CMTM2: variants seen among roughly 807,000 people sequenced by gnomAD.
CMTM2 encodes CKLF like MARVEL transmembrane domain containing 2, also known as CKLF-like MARVEL transmembrane domain-containing protein 2.
A neutral mutation model predicts 16.8 loss-of-function variants in CMTM2; 15 were observed. The observed-to-expected ratio is 0.89, with a 90% CI of 0.60 to 1.37. The LOEUF is 1.37. Ranked by LOEUF, CMTM2 falls within the 40% of genes most tolerant of loss-of-function variation. The pLI, the probability that CMTM2 is intolerant of heterozygous loss-of-function variation, is 0.00. For synonymous variants in CMTM2, 117 were observed against 118.7 expected (o/e 0.99, Z 0.09); for missense variants, 282 against 318.0 (o/e 0.89, Z 0.86).
chr16:66,582,201 T>C (rs925858056), intron 2 of CMTM2, among the ~76,000 whole-genome samples: 12 of 152,080 alleles, frequency 7.9e-5, no homozygotes, highest in Non-Finnish European at 1.6e-4. Flanking sequence ...GAGGACAAAA[T>C]AGACAGATTT....
At chr16:66,585,608 A>T (rs758226358) in intron 2 of CMTM2, among the ~76,000 whole-genome samples, 1 of 152,142 alleles carries the variant, frequency 6.6e-6, no homozygotes, top group Non-Finnish European at 1.5e-5. Context: ...CAAAAGTTGG[A>T]GGAGGGAGGC....
Position 66,579,627 on chromosome 16 carries a change from AGG to A in CMTM2, c.24_25del (p.Ala9GlnfsTer23), listed in dbSNP as rs962933702. 4.5e-5 allele frequency: 72 copies of A among 1,613,898 alleles called. No individual in the cohort carries two copies. The highest frequency in any genetic ancestry group is 5.8e-5 in the Non-Finnish European group (69 of 1,180,016). ...TCAGTCATGGCACCTAAGGCGGCAA[AGG>A]GGGCCAAGCCAGAGCCAGCACCAGC... On this transcript the variant is annotated frameshift_variant, in exon 1 of 4. Coordinates refer to ENST00000268595, the MANE Select transcript of CMTM2 (RefSeq NM_144673.3). LOFTEE classifies it high-confidence loss of function. This position sits in a 1 kb window ranked among gnomAD's most constrained non-coding sequence, Gnocchi z 6.5.
At chr16:66,585,097 C>A (rs530313650) in intron 2 of CMTM2, among the ~76,000 whole-genome samples, 2 of 152,230 alleles carry the variant, frequency 1.3e-5, no homozygotes, top group African/African-American at 2.4e-5. Flanking sequence ...CAGGCATGCA[C>A]CCCCACGCCC....
intron 2 of CMTM2, among the ~76,000 whole-genome samples, chr16:66,584,624 GA>G (rs1360704054): frequency 1.3e-5 from 2 of 152,164 alleles, no homozygotes; most frequent in African/African-American, 4.8e-5. Context: ...TACAGGGATA[GA>G]AAAGAGAACT....
intron 2 of CMTM2, among the ~76,000 whole-genome samples, chr16:66,584,677 G>A (rs750864080): frequency 6.6e-5 from 10 of 152,174 alleles, no homozygotes; most frequent in Non-Finnish European, 1.3e-4. Context: ...GGTATATGAC[G>A]GAGGTAGCAT....
In CMTM2 at chr16:66,579,868, C is replaced by A; in HGVS notation, c.261C>A (p.His87Gln). The A allele has an allele frequency of 1.9e-6, 3 of 1,611,272 alleles. No individual in the cohort carries two copies. Among genetic ancestry groups the A allele is most frequent in the Non-Finnish European group, 1.7e-6 (2 of 1,178,778 alleles). ...ATAAAGAGTTCTGGCTCTTGGGGCA[C>A]GCTGAGATCAAGATTCGGAGTTTGG... ...DSNKEFWLLG[H>Q]AEIKIRSLGC... is the part of the protein sequence containing the mutation. Residue 87 changes from histidine (H) to glutamine (Q), a missense_variant, in exon 1 of 4, where the codon CAC becomes CAA. Transcript: ENST00000268595. The surrounding 1 kb of genome is among the most constrained non-coding windows in gnomAD (Gnocchi z 6.5).
In CMTM2 at chr16:66,580,173, T is replaced by G; in HGVS notation, c.433T>G (p.Trp145Gly). ...TCATAGATACATACCCTTCATCCTG[T>G]GGCCCATTTCTGTAAGTAAGGGGTG... ...AIHRYIPFIL[W>G]PISDLFNDLI... The change falls in exon 2 of 4, where the codon TGG becomes GGG. Residue 145 changes from tryptophan to glycine, a missense_variant. Transcript: ENST00000268595. The G allele has an allele frequency of 6.2e-7, 1 of 1,614,176 alleles. No homozygotes were observed. The highest frequency in any genetic ancestry group is 8.5e-7 in the Non-Finnish European group (1 of 1,180,020).
Position 66,580,531 on chromosome 16 carries a change from T to C in CMTM2, c.444+347T>C, listed in dbSNP as rs28507068. 507 of 272,290 alleles carry C rather than the reference T, an allele frequency of 1.9e-3. 1 individual carries two copies. The highest frequency in any genetic ancestry group is 0.01 in the African/African-American group (478 of 45,710). 16.9% of individuals were successfully genotyped at this position (272,290 alleles called of 1,614,324 possible). A position where few individuals can be genotyped will look rare whatever the true frequency, so the allele number is the denominator to read the frequency against. ...GTGCCAGCTCACACTTGACAGGAGATCACCCCAGAAGGACCCCATTCCCAA... is the reference window on the plus strand; with the variant it reads ...GTGCCAGCTCACACTTGACAGGAGACCACCCCAGAAGGACCCCATTCCCAA... On this transcript the variant is annotated intron_variant, in intron 2 of 3. Coordinates refer to ENST00000268595, the MANE Select transcript of CMTM2 (RefSeq NM_144673.3).
At chr16:66,587,662 C>CG in intron 3 of CMTM2, among the ~76,000 whole-genome samples, 1 of 152,246 alleles carries the variant, frequency 6.6e-6, no homozygotes, top group East Asian at 1.9e-4. Context: ...CTGTAGCTGC[C>CG]GACCCCAGAG....
chr16:66,586,867 C>T, intron 2 of CMTM2, 130 bp from the exon 3 acceptor site: 1 of 692,592 alleles, frequency 1.4e-6, no homozygotes, highest in Non-Finnish European at 2.7e-6. Flanking sequence ...GTGTGTTTAT[C>T]TTTATGCATA....
At chr16:66,582,730 CAGGCACAGTGA>C (rs2014749800) in intron 2 of CMTM2, among the ~76,000 whole-genome samples, 1 of 151,800 alleles carries the variant, frequency 6.6e-6, no homozygotes, top group Admixed American at 6.6e-5. Flanking sequence ...GTCAAGAAGC[CAGGCACAGTGA>C]TGTGTGCCTG....
intron 2 of CMTM2, among the ~76,000 whole-genome samples, chr16:66,586,334 T>A (rs983736373): frequency 9.2e-5 from 14 of 152,226 alleles, no homozygotes; most frequent in Middle Eastern, 6.8e-3. Context: ...TTTATAGTTG[T>A]GTATTTATTT....
intron 2 of CMTM2, among the ~76,000 whole-genome samples, chr16:66,584,382 T>C (rs2014768282): frequency 6.6e-6 from 1 of 152,124 alleles, no homozygotes. Context: ...TTGCTCTCTC[T>C]CTACACACAC....
In CMTM2 at chr16:66,581,194, G is replaced by A. The variant is rs939886461; in HGVS notation, c.444+1010G>A. Reference sequence around the variant, plus strand: ...CTTGGTGAAGCAGATGAGGACCTCCGATACAGGGAGAAAGGACAGGAGGGC... The same window carrying A: ...CTTGGTGAAGCAGATGAGGACCTCCAATACAGGGAGAAAGGACAGGAGGGC... On this transcript the variant is annotated intron_variant, in intron 2 of 3. Transcript: ENST00000268595. Among the ~76,000 whole-genome samples, 61 of 151,732 alleles carry A rather than the reference G, an allele frequency of 4.0e-4. 1 individual carries two copies. The highest frequency in any genetic ancestry group is 3.6e-3 in the Admixed American group (55 of 15,206).
rs376028924 is a variant in CMTM2, at chr16:66,583,781, CAAA to C, written c.445-3215_445-3213del. On this transcript the variant is annotated intron_variant, in intron 2 of 3. Transcript: ENST00000268595. ...TACAAGGTGATTCTAAAATTCTTAT[CAAA>C]GAAGAAAAAATACTAACAAGGATGG... Among the ~76,000 whole-genome samples, 46 of 152,072 alleles carry C rather than the reference CAAA, an allele frequency of 3.0e-4. 1 individual carries two copies. In the East Asian group the frequency reaches 5.8e-3, roughly 19 times the overall value.
intron 3 of CMTM2, 142 bp downstream of exon 3, chr16:66,587,240 G>A (rs1174143652): frequency 1.4e-6 from 1 of 697,012 alleles, no homozygotes; most frequent in East Asian, 2.7e-5. Context: ...AGTTAAGTAG[G>A]CCGGGTGCAG....
chr16:66,585,511 G>C (rs554848667), intron 2 of CMTM2, among the ~76,000 whole-genome samples: 1 of 152,154 alleles, frequency 6.6e-6, no homozygotes, highest in African/African-American at 2.4e-5. Flanking sequence ...AGTGTATTTT[G>C]AAATACACAA....
intron 2 of CMTM2, among the ~76,000 whole-genome samples, chr16:66,584,385 A>C (rs1007725720): frequency 6.6e-6 from 1 of 151,846 alleles, no homozygotes; most frequent in Admixed American, 6.6e-5. Context: ...CTCTCTCTCT[A>C]CACACACACA....
chr16:66,587,892 A>G, intron 3 of CMTM2, 27 bp from the exon 4 acceptor site: 1 of 1,611,302 alleles, frequency 6.2e-7, no homozygotes, highest in Non-Finnish European at 8.5e-7. Context: ...GAAAAGCAAA[A>G]GTCATGAGGA....
Sources: allele counts gnomAD v4.1 joint callset (sites outside exome capture counted in the v4.1 genomes callset), GRCh38; gene constraint gnomAD v4.1.1; non-coding constraint Gnocchi (gnomAD v3.1); transcripts MANE v1.5; gene names NCBI Gene and HGNC (gene_info 2026-07-23, HGNC 2026-07-21).